CCDC61: variants seen among roughly 807,000 people sequenced by gnomAD.
CCDC61 encodes centrosomal protein CCDC61.
A neutral mutation model predicts 63.0 loss-of-function variants in CCDC61; 55 were observed. That is an observed-to-expected ratio of 0.87 (90% CI 0.70 to 1.09). The LOEUF (loss-of-function observed/expected upper bound fraction) is 1.09, where lower values mean the gene tolerates loss of function less well. Ranked by LOEUF, CCDC61 falls within the 50% of genes least tolerant of loss-of-function variation. The pLI is 0.00. For synonymous variants in CCDC61, 270 were observed against 317.0 expected (o/e 0.85, Z 1.58); for missense variants, 651 against 731.4 (o/e 0.89, Z 1.27).
At chr19:46,014,716 G>A (rs1367178587) in intron 5 of CCDC61, among the ~76,000 whole-genome samples, 1 of 152,206 alleles carries the variant, frequency 6.6e-6, no homozygotes, top group African/African-American at 2.4e-5. Flanking sequence ...CTTTCAGGGT[G>A]TGTACAGATT....
chr19:46,012,284 G>A (rs564154585), intron 5 of CCDC61, among the ~76,000 whole-genome samples: 1 of 152,180 alleles, frequency 6.6e-6, no homozygotes, highest in Admixed American at 6.5e-5. Context: ...ACTCCAAAGA[G>A]TATAAAATAT....
chr19:45,997,492 G>A (rs768978113), intron 1 of CCDC61, among the ~76,000 whole-genome samples: 1 of 151,974 alleles, frequency 6.6e-6, no homozygotes, highest in African/African-American at 2.4e-5. Context: ...CTGGGTTCAA[G>A]TGATTCTCCT....
In CCDC61 at chr19:46,018,143, C is replaced by T. The variant is rs1244059878; in HGVS notation, c.1434C>T (p.Pro478=). The T allele has an allele frequency of 4.4e-6, 7 of 1,606,272 alleles. No homozygotes were observed. Among genetic ancestry groups the T allele is most frequent in the Non-Finnish European group, 5.9e-6 (7 of 1,176,654 alleles). Residue 478 remains proline (P), a synonymous_variant, in exon 13 of 14, where the codon CCC becomes CCT. Transcript: ENST00000595358. This position sits in a 1 kb window ranked among gnomAD's most constrained non-coding sequence, Gnocchi z 4.2. ...TGGCCAACTCCGGGGGCTGGGTCCCCATCAAAGGTGAGCCTGGGACTCCAC... is the reference window on the plus strand; with the variant it reads ...TGGCCAACTCCGGGGGCTGGGTCCCTATCAAAGGTGAGCCTGGGACTCCAC... ...KSLANSGGWV[P]IKEYSSEHQA...
At chr19:46,013,489 T>TA (rs1420084781) in intron 5 of CCDC61, among the ~76,000 whole-genome samples, 2 of 152,188 alleles carry the variant, frequency 1.3e-5, no homozygotes, top group Non-Finnish European at 2.9e-5. Context: ...ATGAAAATCT[T>TA]AGTTTCTAGG....
intron 3 of CCDC61, among the ~76,000 whole-genome samples, chr19:46,006,172 C>G (rs575633012): frequency 6.6e-6 from 1 of 152,286 alleles, no homozygotes; most frequent in East Asian, 1.9e-4. Context: ...AGCAGTTTTT[C>G]CCACCATTGC....
chr19:46,005,880 A>G (rs1968698930), intron 3 of CCDC61, among the ~76,000 whole-genome samples: 1 of 151,876 alleles, frequency 6.6e-6, no homozygotes, highest in East Asian at 1.9e-4. Flanking sequence ...TCCCGAGACC[A>G]TCGTCATACT....
chr19:46,012,030 C>T lies in CCDC61; in HGVS notation c.552-3019C>T, dbSNP rs540905171. ...GTTGGCCAGGCTGATCTCGAACTCT[C>T]GACCTGTCTCAAGTGATCCACCTGT... On this transcript the variant is annotated intron_variant, in intron 5 of 13. Transcript: ENST00000595358. Among the ~76,000 whole-genome samples, 7 of 152,190 alleles carry T rather than the reference C, an allele frequency of 4.6e-5. No individual in the cohort carries two copies. In the South Asian group the frequency reaches 8.3e-4, roughly 18 times the overall value.
intron 3 of CCDC61, among the ~76,000 whole-genome samples, chr19:46,005,653 T>G (rs985323810): frequency 1.3e-5 from 2 of 152,092 alleles, no homozygotes; most frequent in Non-Finnish European, 2.9e-5. Context: ...TAATTTCAAG[T>G]GCAAAGCTTG....
intron 4 of CCDC61, 54 bp downstream of exon 4, chr19:46,006,770 A>AT: frequency 7.8e-6 from 12 of 1,530,126 alleles, no homozygotes; most frequent in Non-Finnish European, 1.1e-5. Flanking sequence ...GTGGGAGAGG[A>AT]TGTGGGTAGG....
chr19:46,000,596 C>A (rs1363327670), intron 1 of CCDC61, among the ~76,000 whole-genome samples: 1 of 151,638 alleles, frequency 6.6e-6, no homozygotes, highest in Non-Finnish European at 1.5e-5. Context: ...CCGTGGCCAT[C>A]TGGGGGACAA....
Position 46,008,312 on chromosome 19 carries a change from G to C in CCDC61, c.551+11G>C, listed in dbSNP as rs113985974. On this transcript the variant is annotated intron_variant, in intron 5 of 13. Transcript: ENST00000595358. ...GCATCTGCGGGAGCAGTGAGTCTTG[G>C]AGGGGTGGGCAGCTGGGGCGGGTGG... 25 of 1,481,356 alleles carry C rather than the reference G, an allele frequency of 1.7e-5. No homozygotes were observed. Among genetic ancestry groups the C allele is most frequent in the African/African-American group, 7.0e-5 (5 of 71,816 alleles). The allele number at this position is 1,481,356 out of a possible 1,614,324, so 91.8% of individuals were successfully genotyped here.
In CCDC61 at chr19:46,006,629, G is replaced by A. The variant is rs1482830087; in HGVS notation, c.302G>A (p.Gly101Glu). The A allele has an allele frequency of 6.2e-7, 1 of 1,613,826 alleles. No individual in the cohort carries two copies. The highest frequency in any genetic ancestry group is 1.1e-5 in the South Asian group (1 of 91,048). Residue 101 changes from glycine (G) to glutamate (E), a missense_variant, in exon 4 of 14, where the codon GGG becomes GAG. By Grantham distance (98) the Gly-to-Glu change is moderately conservative (BLOSUM62 -2). Transcript: ENST00000595358. ...GAGTCCCTGCGGAACCGCAAGATGGGGGGCCGCCCAGGCTCCTTGGCCCCC... is the reference window on the plus strand; with the variant it reads ...GAGTCCCTGCGGAACCGCAAGATGGAGGGCCGCCCAGGCTCCTTGGCCCCC... ...DLESLRNRKM[G>E]GRPGSLAPRS...
intron 1 of CCDC61, among the ~76,000 whole-genome samples, chr19:46,001,678 G>A (rs1968594382): frequency 6.6e-6 from 1 of 152,254 alleles, no homozygotes; most frequent in Admixed American, 6.5e-5. Context: ...GATCTAGAGA[G>A]AGGTGTCTGT....
At chr19:46,017,344 GC>G (rs1555811806) in intron 12 of CCDC61, 40 bp downstream of exon 12, 1 of 1,523,200 alleles carries the variant, frequency 6.6e-7, no homozygotes, top group Non-Finnish European at 8.9e-7. Flanking sequence ...GAACACAGCT[GC>G]CCCCATTTCC....
intron 1 of CCDC61, among the ~76,000 whole-genome samples, chr19:46,000,516 C>T (rs1968570702): frequency 6.6e-6 from 1 of 151,502 alleles, no homozygotes; most frequent in Admixed American, 6.6e-5. Flanking sequence ...GGGAATGTAG[C>T]ATGAGGGTTG....
intron 11 of CCDC61, 88 bp from the exon 12 acceptor site, chr19:46,017,159 C>T (rs1273284920): frequency 2.6e-6 from 4 of 1,533,480 alleles, no homozygotes; most frequent in East Asian, 2.4e-5. Context: ...GGTGATGGAG[C>T]CTGGGGGCCT....
At position 46,016,533 on chromosome 19, in the gene CCDC61, C is replaced by T. The variant is rs913560739; in HGVS notation, c.1091+140C>T. On this transcript the variant is annotated intron_variant, in intron 9 of 13. Transcript: ENST00000595358. The surrounding 1 kb of genome is among the most constrained non-coding windows in gnomAD (Gnocchi z 7.2). ...CCGGATACCCCGCCTGCTCTCCCTTCCGTCCGTCCTACCTCCTCGTCTGTG... is the reference window on the plus strand; with the variant it reads ...CCGGATACCCCGCCTGCTCTCCCTTTCGTCCGTCCTACCTCCTCGTCTGTG... 1.3e-4 allele frequency: 180 copies of T among 1,370,780 alleles called. No homozygotes were observed. The highest frequency in any genetic ancestry group is 1.8e-4 in the Non-Finnish European group (177 of 993,420). The allele number at this position is 1,370,780 out of a possible 1,614,324, so 84.9% of individuals were successfully genotyped here.
chr19:46,011,134 T>C (rs1402490429), intron 5 of CCDC61, among the ~76,000 whole-genome samples: 2 of 150,856 alleles, frequency 1.3e-5, no homozygotes, highest in African/African-American at 2.5e-5. Flanking sequence ...GCTGTGTCCT[T>C]ACCTCCTGGG....
chr19:46,006,232 T>C (rs1159217678), intron 3 of CCDC61, among the ~76,000 whole-genome samples: 1 of 152,140 alleles, frequency 6.6e-6, no homozygotes, highest in Admixed American at 6.5e-5. Context: ...ACAAATGACG[T>C]CTTTGTATTA....
Sources: allele counts gnomAD v4.1 joint callset (sites outside exome capture counted in the v4.1 genomes callset), GRCh38; gene constraint gnomAD v4.1.1; non-coding constraint Gnocchi (gnomAD v3.1); transcripts MANE v1.5; gene names NCBI Gene and HGNC (gene_info 2026-07-23, HGNC 2026-07-21).